The following PLN variants were observed in gnomAD, a reference collection of about 807,000 sequenced individuals.
The protein encoded by PLN is phospholamban, also known as cardiac phospholamban.
Under a neutral mutation model 3.9 loss-of-function variants are expected in PLN, and 1 was observed. The ratio of observed to expected loss-of-function variants is 0.26; its 90% CI spans 0.09 to 1.23. PLN has a LOEUF of 1.23. Ranked by LOEUF, PLN falls within the 50% of genes most tolerant of loss-of-function variation. The pLI is 0.48. For missense variants in PLN, 59 were observed against 62.7 expected (o/e 0.94, Z 0.20); for synonymous variants, 21 against 20.5 (o/e 1.02, Z -0.07).
rs1779230504 is a variant in PLN at position 118,561,653 on chromosome 6, GAATA to G, written c.*2574_*2577del. On this transcript the variant is annotated 3_prime_UTR_variant, in exon 2 of 2. Coordinates refer to ENST00000357525, the MANE Select transcript of PLN (RefSeq NM_002667.5). The stretch of plus-strand genomic sequence containing the variant: ...TGCCTTTTATATTTTAATTGGTTAA[GAATA>G]TATATTTGTTTAATGCAAATCAGAA... Among the ~76,000 whole-genome samples, 1 of 152,010 alleles carries G rather than the reference GAATA, an allele frequency of 6.6e-6. No homozygotes were observed. The highest frequency in any genetic ancestry group is 2.4e-5 in the African/African-American group (1 of 41,428).
chr6:118,560,351 G>A lies in PLN; in HGVS notation c.*1271G>A, dbSNP rs1057279262. The A allele has an allele frequency of 2.4e-5, 4 of 166,888 alleles. No individual in the cohort carries two copies. Among genetic ancestry groups the A allele is most frequent in the Admixed American group, 2.0e-4 (3 of 15,272 alleles). 10.3% of individuals were successfully genotyped at this position (166,888 alleles called of 1,614,324 possible). On this transcript the variant is annotated 3_prime_UTR_variant, in exon 2 of 2. Coordinates refer to ENST00000357525, the MANE Select transcript of PLN (RefSeq NM_002667.5). ...TATATTCCTACAATAAAGTAAGCTA[G>A]AGAAAATGTTATTTAGAAAATCATA... is the stretch of plus-strand genomic sequence containing the variant.
intron 1 of PLN, among the ~76,000 whole-genome samples, chr6:118,554,267 A>C (rs987429146): frequency 6.6e-6 from 1 of 152,150 alleles, no homozygotes; most frequent in African/African-American, 2.4e-5. Flanking sequence ...AGCCTGGGTG[A>C]CAGAGCAAGA....
At chr6:118,557,012 G>C (rs929132529) in intron 1 of PLN, among the ~76,000 whole-genome samples, 2 of 152,270 alleles carry the variant, frequency 1.3e-5, no homozygotes, top group East Asian at 3.9e-4. Context: ...CTACTATTAA[G>C]TAGAAGTCTG....
At chr6:118,558,759 G>GT (rs1277540298) in intron 1 of PLN, 66 bp from the exon 2 acceptor site, 4 of 658,664 alleles carry the variant, frequency 6.1e-6, no homozygotes, top group Non-Finnish European at 1.1e-5. Flanking sequence ...GTGTAAAATT[G>GT]TATTTTTTGT....
intron 1 of PLN, 101 bp from the exon 2 acceptor site, chr6:118,558,724 C>T (rs1583046762): frequency 1.8e-6 from 1 of 551,008 alleles, no homozygotes; most frequent in South Asian, 2.0e-5. Context: ...TTATAAATAA[C>T]AATAGTGCTG....
At chr6:118,550,792 A>T (rs1460798456) in intron 1 of PLN, among the ~76,000 whole-genome samples, 1 of 151,930 alleles carries the variant, frequency 6.6e-6, no homozygotes, top group Non-Finnish European at 1.5e-5. Flanking sequence ...GCAAATTCAG[A>T]GAATACAAAC....
chr6:118,551,979 T>G (rs989382387), intron 1 of PLN, among the ~76,000 whole-genome samples: 1 of 152,042 alleles, frequency 6.6e-6, no homozygotes, highest in African/African-American at 2.4e-5. Context: ...CATTCACTTA[T>G]GGCTTATCAG....
At position 118,559,269 on chromosome 6, in the gene PLN, T is replaced by C; in HGVS notation, c.*189T>C. On this transcript the variant is annotated 3_prime_UTR_variant, in exon 2 of 2. Transcript: ENST00000357525. ...ATTCATCTGTTGGATCTTGTAAACA[T>C]GAAAAGGGCTTTATTTTCAAAAATT... 2 of 614,652 alleles carry C rather than the reference T, an allele frequency of 3.3e-6. No individual in the cohort carries two copies. The highest frequency in any genetic ancestry group is 3.0e-6 in the Non-Finnish European group (1 of 335,124). 38.1% of individuals were successfully genotyped at this position (614,652 alleles called of 1,614,324 possible).
At position 118,560,988 on chromosome 6, in the gene PLN, C is replaced by G. The variant is rs1693937023; in HGVS notation, c.*1908C>G. On this transcript the variant is annotated 3_prime_UTR_variant, in exon 2 of 2. Coordinates refer to ENST00000357525, the MANE Select transcript of PLN (RefSeq NM_002667.5). Reference sequence around the variant, plus strand: ...AACCATATCTTCTAAAACATGGTTACTAAAAGAATATGTAACATCAATATT... The same window carrying G: ...AACCATATCTTCTAAAACATGGTTAGTAAAAGAATATGTAACATCAATATT... Among the ~76,000 whole-genome samples the G allele has an allele frequency of 6.6e-6, 1 of 152,136 alleles. No individual in the cohort carries two copies. Among genetic ancestry groups the G allele is most frequent in the Non-Finnish European group, 1.5e-5 (1 of 68,024 alleles).
intron 1 of PLN, among the ~76,000 whole-genome samples, chr6:118,557,646 G>A (rs1778956267): frequency 6.6e-6 from 1 of 152,098 alleles, no homozygotes; most frequent in Non-Finnish European, 1.5e-5. Context: ...CTCCCTCCTT[G>A]AGCTGCTGGG....
intron 1 of PLN, among the ~76,000 whole-genome samples, chr6:118,550,935 T>C (rs1270134301): frequency 6.6e-6 from 1 of 151,846 alleles, no homozygotes; most frequent in Non-Finnish European, 1.5e-5. Context: ...CAGATGCCCT[T>C]AGTTATTAAG....
chr6:118,557,608 G>A (rs998605759), intron 1 of PLN, among the ~76,000 whole-genome samples: 1 of 152,166 alleles, frequency 6.6e-6, no homozygotes, highest in African/African-American at 2.4e-5. Context: ...ATCCTGTGAT[G>A]GAGTGGCCTC....
intron 1 of PLN, among the ~76,000 whole-genome samples, chr6:118,556,044 T>C (rs1778852880): frequency 6.6e-6 from 1 of 152,222 alleles, no homozygotes; most frequent in African/African-American, 2.4e-5. Flanking sequence ...CTTTATCCAG[T>C]CTGTCACTGA....
chr6:118,553,880 T>G (rs906289063), intron 1 of PLN, among the ~76,000 whole-genome samples: 2 of 152,228 alleles, frequency 1.3e-5, no homozygotes, highest in Admixed American at 6.5e-5. Context: ...GTGAATCCTC[T>G]AAGCCTCATT....
At chr6:118,554,372 C>T (rs75488708) in intron 1 of PLN, among the ~76,000 whole-genome samples, 1,813 of 152,246 alleles carry the variant, frequency 0.012, 14 homozygotes, top group Non-Finnish European at 0.017. Flanking sequence ...GTCTCGAACT[C>T]CTGGGCTCAA....
chr6:118,559,063 ATCGTGAT>A lies in PLN; in HGVS notation c.143_149del (p.Ile48SerfsTer19), dbSNP rs1166620283. The A allele has an allele frequency of 6.2e-7, 1 of 1,611,828 alleles. No individual in the cohort carries two copies. Among genetic ancestry groups the A allele is most frequent in the Non-Finnish European group, 8.5e-7 (1 of 1,177,886 alleles). ...AATATGTCTCTTGCTGATCTGTATC[ATCGTGAT>A]GCTTCTCTGAAGTTCTGCTACAACC... On this transcript the variant is annotated frameshift_variant, in exon 2 of 2. Coordinates refer to ENST00000357525, the MANE Select transcript of PLN (RefSeq NM_002667.5). LOFTEE classifies it high-confidence loss of function.
intron 1 of PLN, among the ~76,000 whole-genome samples, chr6:118,556,703 A>T (rs571310140): frequency 2.0e-4 from 31 of 152,310 alleles, no homozygotes; most frequent in African/African-American, 7.5e-4. Flanking sequence ...TATGTTGATT[A>T]ACAATAATAT....
chr6:118,549,418 C>T (rs898342544), intron 1 of PLN, among the ~76,000 whole-genome samples: 2 of 151,706 alleles, frequency 1.3e-5, no homozygotes, highest in African/African-American at 4.8e-5. Flanking sequence ...ATTCTTAGAT[C>T]TCTGTCAGGG....
chr6:118,554,567 C>T (rs945724185), intron 1 of PLN, among the ~76,000 whole-genome samples: 9 of 152,180 alleles, frequency 5.9e-5, no homozygotes, highest in African/African-American at 1.7e-4. Context: ...ACTAAATAAA[C>T]ACACAGTTTC....
Sources: allele counts gnomAD v4.1 joint callset (sites outside exome capture counted in the v4.1 genomes callset), GRCh38; gene constraint gnomAD v4.1.1; transcripts MANE v1.5; gene names NCBI Gene and HGNC (gene_info 2026-07-23, HGNC 2026-07-21).